LAMA2: variants seen among roughly 807,000 people sequenced by gnomAD.
LAMA2 encodes the protein laminin subunit alpha-2.
A neutral mutation model predicts 364.8 loss-of-function variants in LAMA2; 269 were observed. The observed-to-expected ratio is 0.74, with a 90% CI of 0.67 to 0.82. LAMA2 has a LOEUF of 0.82. Among genes scored for constraint, LAMA2 ranks in the 40% least tolerant of loss-of-function variants. The pLI is 0.00. For missense variants in LAMA2, 3,807 were observed against 3,873.2 expected (o/e 0.98, Z 0.45); for synonymous variants, 1,379 against 1,370.6 (o/e 1.01, Z -0.14).
rs139095807 is a variant in LAMA2 at position 129,507,163 on chromosome 6, G to A, written c.8704-326G>A. On this transcript the variant is annotated intron_variant, in intron 61 of 64. Transcript: ENST00000421865. ...TTAATAGAAACATAAAATCAGGAACGTAAGAGACCAATTAAAACTTATGAT... is the reference window on the plus strand; with the variant it reads ...TTAATAGAAACATAAAATCAGGAACATAAGAGACCAATTAAAACTTATGAT... Among the ~76,000 whole-genome samples the A allele has an allele frequency of 1.7e-4, 26 of 151,924 alleles. No homozygotes were observed. In the East Asian group the frequency reaches 2.9e-3, roughly 17 times the overall value.
At chr6:129,009,711 C>T (rs2114692371) in intron 1 of LAMA2, among the ~76,000 whole-genome samples, 1 of 152,264 alleles carries the variant, frequency 6.6e-6, no homozygotes, top group East Asian at 1.9e-4. Context: ...AATATGGTAT[C>T]TCAGGCACAG....
intron 8 of LAMA2, among the ~76,000 whole-genome samples, chr6:129,164,990 T>C (rs1779653667): frequency 6.6e-6 from 1 of 152,208 alleles, no homozygotes. Flanking sequence ...AATGAATGAA[T>C]GTATCTTAAA....
chr6:129,112,317 T>C (rs771299779), intron 4 of LAMA2, among the ~76,000 whole-genome samples: 7 of 152,044 alleles, frequency 4.6e-5, no homozygotes, highest in Non-Finnish European at 1.0e-4. Context: ...TAAAGACATT[T>C]TTCTCTTCCA....
At chr6:129,224,833 G>T (rs1228705189) in intron 12 of LAMA2, among the ~76,000 whole-genome samples, 157 of 152,148 alleles carry the variant, frequency 1.0e-3, no homozygotes, top group African/African-American at 3.4e-3. Context: ...TGTATCAGGA[G>T]GATGCTGGCC....
rs62420977 is a variant in LAMA2, at chr6:129,165,442, G to A, written c.1207-134G>A. 12,549 of 603,712 alleles carry A rather than the reference G, an allele frequency of 0.021. 217 individuals carry two copies. Among genetic ancestry groups the A allele is most frequent in the Non-Finnish European group, 0.029 (9,699 of 337,742 alleles). 37.4% of individuals were successfully genotyped at this position (603,712 alleles called of 1,614,324 possible). ...TAGAAATTATAAACATGTATTAAAG[G>A]TAATTCTTATAGTTTTCTCAATAAT... On this transcript the variant is annotated intron_variant, in intron 8 of 64. Transcript: ENST00000421865.
intron 27 of LAMA2, 64 bp from the exon 28 acceptor site, chr6:129,320,474 A>T: frequency 1.1e-6 from 1 of 936,364 alleles, no homozygotes; most frequent in East Asian, 2.4e-5. Flanking sequence ...TGTAGGATTG[A>T]TTGTTTACTA....
At chr6:129,252,352 A>G (rs1226806214) in intron 14 of LAMA2, 57 bp downstream of exon 14, 1 of 1,353,738 alleles carries the variant, frequency 7.4e-7, no homozygotes, top group East Asian at 2.3e-5. Flanking sequence ...GCCAAGGTGC[A>G]GGAGCCGCCC....
intron 56 of LAMA2, among the ~76,000 whole-genome samples, chr6:129,490,285 A>G (rs1368858439): frequency 2.0e-5 from 3 of 152,202 alleles, no homozygotes; most frequent in South Asian, 4.1e-4. Context: ...GGACCTGAGC[A>G]TGATTAAATA....
At chr6:129,356,786 G>A (rs1271978764) in intron 32 of LAMA2, among the ~76,000 whole-genome samples, 6 of 152,066 alleles carry the variant, frequency 3.9e-5, no homozygotes, top group Admixed American at 2.0e-4. Flanking sequence ...TTAAGTGTAT[G>A]TAATCTCAGT....
intron 1 of LAMA2, among the ~76,000 whole-genome samples, chr6:128,905,151 C>T (rs1777348542): frequency 1.3e-5 from 2 of 152,148 alleles, no homozygotes; most frequent in South Asian, 4.1e-4. Flanking sequence ...TATATTATAA[C>T]TGCTAAACAA....
intron 9 of LAMA2, among the ~76,000 whole-genome samples, chr6:129,172,238 G>A (rs1024149767): frequency 8.5e-5 from 13 of 152,228 alleles, no homozygotes; most frequent in South Asian, 2.1e-4. Flanking sequence ...TCCTTTGGAG[G>A]AGGAGAGGCA....
intron 29 of LAMA2, among the ~76,000 whole-genome samples, chr6:129,332,607 C>T (rs1775720286): frequency 6.6e-6 from 1 of 152,144 alleles, no homozygotes; most frequent in South Asian, 2.1e-4. Context: ...TCACTCTTCT[C>T]TCTTCAGATA....
At chr6:129,388,501 T>A (rs2114666166) in intron 35 of LAMA2, among the ~76,000 whole-genome samples, 1 of 152,266 alleles carries the variant, frequency 6.6e-6, no homozygotes, top group Middle Eastern at 3.4e-3. Context: ...TCTCTATCTG[T>A]TGTCATTCTT....
In LAMA2 at chr6:129,427,792, G is replaced by A; in HGVS notation, c.5906G>A (p.Gly1969Asp). Residue 1969 changes from glycine (G) to aspartate (D), a missense_variant, in exon 41 of 65, where the codon GGC becomes GAC. By Grantham distance (94) the Gly-to-Asp change is moderately conservative (BLOSUM62 -1). This residue lies in a region of LAMA2 where 3,333 missense variants were observed against 3,345.7 expected (regional missense o/e 1.00). Transcript: ENST00000421865. ...PRGLLKEDAKGCLQKSFRILN... is the reference protein window; with the variant it reads ...PRGLLKEDAKDCLQKSFRILN... ...GGTTTATTAAAGGAAGATGCCAAAGGCTGTCTTCAGAAAAGCTTCAGGATT... is the reference window on the plus strand; with the variant it reads ...GGTTTATTAAAGGAAGATGCCAAAGACTGTCTTCAGAAAAGCTTCAGGATT... The A allele has an allele frequency of 6.2e-7, 1 of 1,613,776 alleles. No individual in the cohort carries two copies. Among genetic ancestry groups the A allele is most frequent in the South Asian group, 1.1e-5 (1 of 91,082 alleles).
chr6:129,477,258 T>C (rs1477225301), intron 53 of LAMA2, among the ~76,000 whole-genome samples: 1 of 152,074 alleles, frequency 6.6e-6, no homozygotes, highest in African/African-American at 2.4e-5. Context: ...ACATTTCAAG[T>C]CCTAATAGCC....
chr6:129,475,893 A>G (rs1784045572), intron 53 of LAMA2, among the ~76,000 whole-genome samples: 1 of 152,108 alleles, frequency 6.6e-6, no homozygotes, highest in South Asian at 2.1e-4. Flanking sequence ...GCAAACATTT[A>G]CACAGCCTTT....
chr6:129,456,197 A>G (rs1000066760), intron 47 of LAMA2, 138 bp from the exon 48 acceptor site: 26 of 827,046 alleles, frequency 3.1e-5, no homozygotes, highest in Admixed American at 1.4e-4. Flanking sequence ...GTTAGAAACT[A>G]AACAGCCAGT....
intron 54 of LAMA2, among the ~76,000 whole-genome samples, chr6:129,479,429 C>T (rs9483034): frequency 0.31 from 47,064 of 152,000 alleles, 7,682 homozygotes; most frequent in African/African-American, 0.42. Flanking sequence ...CCCCTATTTT[C>T]GTTTAACTAT....
chr6:128,983,057 G>A (rs1303724295), intron 1 of LAMA2, among the ~76,000 whole-genome samples: 2 of 151,482 alleles, frequency 1.3e-5, no homozygotes, highest in Admixed American at 1.3e-4. Context: ...ATTGTGAATA[G>A]TGCCGCAATA....
Sources: allele counts gnomAD v4.1 joint callset (sites outside exome capture counted in the v4.1 genomes callset), GRCh38; gene constraint gnomAD v4.1.1; regional missense constraint gnomAD v4.1.1; transcripts MANE v1.5; gene names NCBI Gene and HGNC (gene_info 2026-07-23, HGNC 2026-07-21).